RIMS1: variants seen among roughly 807,000 people sequenced by gnomAD.
The protein encoded by RIMS1 is regulating synaptic membrane exocytosis protein 1.
A neutral mutation model predicts 214.1 loss-of-function variants in RIMS1; 83 were observed. The ratio of observed to expected loss-of-function variants is 0.39; its 90% CI spans 0.32 to 0.47. The LOEUF is 0.47. Among genes scored for constraint, RIMS1 ranks in the 20% least tolerant of loss-of-function variants. RIMS1 has a pLI of 0.99. For missense variants in RIMS1, 2,050 were observed against 2,161.8 expected (o/e 0.95, Z 1.03); for synonymous variants, 793 against 786.8 (o/e 1.01, Z -0.13).
chr6:71,966,994 G>A (rs535065945), intron 1 of RIMS1, among the ~76,000 whole-genome samples: 1 of 152,056 alleles, frequency 6.6e-6, no homozygotes, highest in South Asian at 2.1e-4. Context: ...GACTTGAGGG[G>A]AAAAAAAGAG....
intron 2 of RIMS1, among the ~76,000 whole-genome samples, chr6:72,063,777 T>A (rs1828532878): frequency 6.6e-6 from 1 of 152,212 alleles, no homozygotes; most frequent in African/African-American, 2.4e-5. Flanking sequence ...TGTATTCGTT[T>A]TATCTGTAAA....
chr6:72,327,570 T>C (rs1182826404), intron 28 of RIMS1, among the ~76,000 whole-genome samples: 1 of 151,838 alleles, frequency 6.6e-6, no homozygotes, highest in East Asian at 1.9e-4. Context: ...AGCTCTAGTT[T>C]ACCTGTATTT....
intron 2 of RIMS1, among the ~76,000 whole-genome samples, chr6:72,052,498 C>G (rs967663117): frequency 6.6e-5 from 10 of 152,326 alleles, no homozygotes; most frequent in African/African-American, 2.4e-4. Context: ...TGCTTTCACT[C>G]TTTTTCATCT....
chr6:72,212,988 G>C, intron 6 of RIMS1: 2 of 1,429,150 alleles, frequency 1.4e-6, no homozygotes, highest in South Asian at 1.6e-5. Flanking sequence ...TGCTGGTCCT[G>C]TTGTTCAATG....
chr6:72,014,748 C>G (rs534378218), intron 2 of RIMS1, among the ~76,000 whole-genome samples: 40 of 152,242 alleles, frequency 2.6e-4, no homozygotes, highest in African/African-American at 9.4e-4. Context: ...CACATCCTTG[C>G]CTTGTCATTA....
At chr6:71,938,679 C>T (rs1785173303) in intron 1 of RIMS1, among the ~76,000 whole-genome samples, 1 of 152,202 alleles carries the variant, frequency 6.6e-6, no homozygotes, top group Non-Finnish European at 1.5e-5. Flanking sequence ...GTACGCTGGG[C>T]CCACCCCCTG....
At chr6:71,888,884 C>T (rs1280612655) in intron 1 of RIMS1, among the ~76,000 whole-genome samples, 1 of 152,190 alleles carries the variant, frequency 6.6e-6, no homozygotes, top group African/African-American at 2.4e-5. Context: ...TGCTGCCTGT[C>T]CCTAGTGGAA....
chr6:72,277,155 GCATATATGTGTACA>G, intron 23 of RIMS1, among the ~76,000 whole-genome samples: 1 of 152,218 alleles, frequency 6.6e-6, no homozygotes, highest in African/African-American at 2.4e-5. Flanking sequence ...GTTTCCCACA[GCATATATGTGTACA>G]CAGACACACA....
intron 6 of RIMS1, among the ~76,000 whole-genome samples, chr6:72,207,222 C>A (rs1326687590): frequency 6.6e-6 from 1 of 152,032 alleles, no homozygotes; most frequent in Non-Finnish European, 1.5e-5. Flanking sequence ...TGTTTAATTC[C>A]TAATAGATTT....
intron 1 of RIMS1, among the ~76,000 whole-genome samples, chr6:71,916,720 T>G (rs932808098): frequency 1.2e-4 from 18 of 152,286 alleles, no homozygotes; most frequent in African/African-American, 4.3e-4. Flanking sequence ...AGTTAGTAAA[T>G]TTTATCTTAA....
At position 72,401,407 on chromosome 6, in the gene RIMS1, G is replaced by A. The variant is rs2098834660; in HGVS notation, c.*693G>A. 6.6e-6 allele frequency: 1 copy of A among 152,466 alleles called. No homozygotes were observed. Among genetic ancestry groups the A allele is most frequent in the Non-Finnish European group, 1.5e-5 (1 of 68,030 alleles). 9.4% of individuals were successfully genotyped at this position (152,466 alleles called of 1,614,324 possible). A position where few individuals can be genotyped will look rare whatever the true frequency, so the allele number is the denominator to read the frequency against. The stretch of plus-strand genomic sequence containing the variant: ...AGCTTTCATTTTATAATTATTTAAA[G>A]TCTTATGTGTGGATACCCAAGAGAC... On this transcript the variant is annotated 3_prime_UTR_variant, in exon 34 of 34. Transcript: ENST00000521978.
chr6:72,108,439 A>G (rs186460413), intron 4 of RIMS1, among the ~76,000 whole-genome samples: 2 of 152,196 alleles, frequency 1.3e-5, no homozygotes, highest in African/African-American at 4.8e-5. Flanking sequence ...ATCACCACTA[A>G]ACTATTTTAA....
At chr6:71,934,314 T>G (rs1459565701) in intron 1 of RIMS1, among the ~76,000 whole-genome samples, 1 of 152,112 alleles carries the variant, frequency 6.6e-6, no homozygotes, top group African/African-American at 2.4e-5. Flanking sequence ...AAGCCAGAAA[T>G]AAATACGGAA....
chr6:72,392,334 T>C (rs1436254613), intron 30 of RIMS1, among the ~76,000 whole-genome samples: 1 of 152,240 alleles, frequency 6.6e-6, no homozygotes, highest in African/African-American at 2.4e-5. Context: ...AAATTTAGCA[T>C]GAATGTTACC....
chr6:71,972,414 G>A (rs1461684035), intron 2 of RIMS1, among the ~76,000 whole-genome samples: 1 of 152,146 alleles, frequency 6.6e-6, no homozygotes, highest in Non-Finnish European at 1.5e-5. Flanking sequence ...AAAAGAAAAA[G>A]AGTAGTTGGT....
At chr6:71,953,179 G>A (rs951275880) in intron 1 of RIMS1, among the ~76,000 whole-genome samples, 7 of 151,886 alleles carry the variant, frequency 4.6e-5, no homozygotes, top group Non-Finnish European at 8.8e-5. Flanking sequence ...AGTAGAGACT[G>A]GTTTTCCCTA....
intron 1 of RIMS1, among the ~76,000 whole-genome samples, chr6:71,890,300 A>G (rs909564503): frequency 1.4e-5 from 2 of 138,118 alleles, no homozygotes; most frequent in Admixed American, 7.1e-5. Context: ...TAATGGCCAT[A>G]TAACTGGAAA....
intron 26 of RIMS1, among the ~76,000 whole-genome samples, chr6:72,303,696 G>A (rs1468899155): frequency 6.6e-6 from 1 of 151,402 alleles, no homozygotes; most frequent in East Asian, 1.9e-4. Context: ...AAAAGCCATA[G>A]TTTGGAAAGA....
intron 28 of RIMS1, among the ~76,000 whole-genome samples, chr6:72,326,144 A>G (rs912332449): frequency 2.0e-5 from 3 of 151,904 alleles, no homozygotes; most frequent in African/African-American, 7.2e-5. Context: ...AAGGCTTACA[A>G]TAGAATTATG....
Sources: allele counts gnomAD v4.1 joint callset (sites outside exome capture counted in the v4.1 genomes callset), GRCh38; gene constraint gnomAD v4.1.1; transcripts MANE v1.5; gene names NCBI Gene and HGNC (gene_info 2026-07-23, HGNC 2026-07-21).